Variants in DUSP14 observed in about 807,000 individuals in gnomAD.
DUSP14 encodes the protein dual specificity protein phosphatase 14.
Under a neutral mutation model 13.2 loss-of-function variants are expected in DUSP14, and 5 were observed. The observed-to-expected ratio is 0.38, with a 90% CI of 0.20 to 0.80. DUSP14 has a LOEUF of 0.80. Among genes scored for constraint, DUSP14 ranks in the 30% least tolerant of loss-of-function variants. The probability of loss-of-function intolerance (pLI) is 0.44; values close to 1 mark genes in which losing one functional copy is unlikely to be tolerated. For synonymous variants in DUSP14, 91 were observed against 103.4 expected (o/e 0.88, Z 0.73); for missense variants, 185 against 264.0 (o/e 0.70, Z 2.07).
intron 2 of DUSP14, among the ~76,000 whole-genome samples, chr17:37,511,210 A>T (rs986464697): frequency 6.6e-6 from 1 of 152,080 alleles, no homozygotes; most frequent in Non-Finnish European, 1.5e-5. Flanking sequence ...TGGCCTTCAA[A>T]TTGCCTGGGA....
chr17:37,495,370 C>G (rs1440884943), intron 1 of DUSP14, among the ~76,000 whole-genome samples: 1 of 152,190 alleles, frequency 6.6e-6, no homozygotes, highest in Non-Finnish European at 1.5e-5. Flanking sequence ...CCTCAGTGGA[C>G]GAGAAGGTTC....
At chr17:37,499,160 T>C (rs1381191627) in intron 1 of DUSP14, among the ~76,000 whole-genome samples, 2 of 152,086 alleles carry the variant, frequency 1.3e-5, no homozygotes, top group Admixed American at 6.5e-5. Context: ...CAGACGCTTA[T>C]AAAACCATCA....
At chr17:37,511,286 G>C (rs1163163404) in intron 2 of DUSP14, among the ~76,000 whole-genome samples, 1 of 152,014 alleles carries the variant, frequency 6.6e-6, no homozygotes, top group African/African-American at 2.4e-5. Context: ...TTTTTGGTTT[G>C]GGTTTTTGTT....
At chr17:37,511,860 A>C (rs552585198) in intron 2 of DUSP14, among the ~76,000 whole-genome samples, 3 of 145,828 alleles carry the variant, frequency 2.1e-5, no homozygotes, top group Non-Finnish European at 4.5e-5. Flanking sequence ...GGCTTAAGCA[A>C]TCCTCCCACC....
chr17:37,505,795 G>T (rs2054134084), intron 1 of DUSP14, among the ~76,000 whole-genome samples: 1 of 152,130 alleles, frequency 6.6e-6, no homozygotes, highest in Admixed American at 6.5e-5. Flanking sequence ...CAAGGCTGAT[G>T]CCCGCATCCC....
intron 1 of DUSP14, among the ~76,000 whole-genome samples, chr17:37,497,173 G>A (rs1475312490): frequency 6.6e-6 from 1 of 150,764 alleles, no homozygotes; most frequent in Non-Finnish European, 1.5e-5. Flanking sequence ...TTTAAAGACA[G>A]AGTCTCTTCC....
chr17:37,504,276 C>T (rs2054123409), intron 1 of DUSP14, among the ~76,000 whole-genome samples: 1 of 152,198 alleles, frequency 6.6e-6, no homozygotes, highest in Non-Finnish European at 1.5e-5. Context: ...CTGCGGACAT[C>T]GAGATGGCTG....
At chr17:37,497,291 T>C (rs1197322600) in intron 1 of DUSP14, among the ~76,000 whole-genome samples, 1 of 152,098 alleles carries the variant, frequency 6.6e-6, no homozygotes, top group Non-Finnish European at 1.5e-5. Context: ...TACGGGCACA[T>C]GCCACCATGC....
intron 1 of DUSP14, among the ~76,000 whole-genome samples, chr17:37,507,691 G>A (rs1485625297): frequency 2.0e-5 from 3 of 151,998 alleles, no homozygotes; most frequent in Admixed American, 1.3e-4. Context: ...TGCCCGCCTC[G>A]GCCTCCCAAA....
intron 1 of DUSP14, among the ~76,000 whole-genome samples, chr17:37,496,536 A>T (rs2054066315): frequency 6.6e-6 from 1 of 152,128 alleles, no homozygotes; most frequent in Non-Finnish European, 1.5e-5. Context: ...CGGGTGGATC[A>T]TGAGGTCCGG....
intron 1 of DUSP14, among the ~76,000 whole-genome samples, chr17:37,504,954 C>T (rs908176739): frequency 5.3e-5 from 8 of 152,268 alleles, no homozygotes; most frequent in South Asian, 2.1e-4. Context: ...TGCAATGGCA[C>T]GATCTTGGCT....
chr17:37,499,739 G>C (rs575472858), intron 1 of DUSP14, among the ~76,000 whole-genome samples: 1 of 151,516 alleles, frequency 6.6e-6, no homozygotes, highest in Non-Finnish European at 1.5e-5. Flanking sequence ...CATGTTGGCC[G>C]GGCTGGTCTC....
chr17:37,490,480 ATCTG>A (rs1429945736), intron 1 of DUSP14, among the ~76,000 whole-genome samples: 1 of 152,156 alleles, frequency 6.6e-6, no homozygotes, highest in Non-Finnish European at 1.5e-5. Context: ...CGGTGCTAAC[ATCTG>A]TCTTTTTATT....
rs1055752282 is a variant in DUSP14, at chr17:37,495,376, G to A, written c.-181+5418G>A. Among the ~76,000 whole-genome samples the A allele has an allele frequency of 1.4e-4, 21 of 152,310 alleles. No individual in the cohort carries two copies. The South Asian group carries it at 1.9e-3, about 14-fold the overall frequency. On this transcript the variant is annotated intron_variant, in intron 1 of 2. Coordinates refer to ENST00000617516, the MANE Select transcript of DUSP14 (RefSeq NM_007026.4). Reference sequence around the variant, plus strand: ...ATGTTGAAACCTCAGTGGACGAGAAGGTTCTTTTGAAGTTCATATGCAACT... The same window carrying A: ...ATGTTGAAACCTCAGTGGACGAGAAAGTTCTTTTGAAGTTCATATGCAACT...
chr17:37,495,615 G>A (rs1163522681), intron 1 of DUSP14, among the ~76,000 whole-genome samples: 1 of 152,044 alleles, frequency 6.6e-6, no homozygotes, highest in African/African-American at 2.4e-5. Flanking sequence ...TCCCTGCCTG[G>A]GAAAGTGACC....
chr17:37,509,273 A>AGTGCG (rs1258446610), intron 1 of DUSP14, among the ~76,000 whole-genome samples: 1 of 69,400 alleles, frequency 1.4e-5, no homozygotes. Flanking sequence ...ATATATATAT[A>AGTGCG]TATATATATA....
At position 37,512,957 on chromosome 17, in the gene DUSP14, T is replaced by C; in HGVS notation, c.*88T>C. The C allele has an allele frequency of 8.8e-7, 1 of 1,134,768 alleles. No individual in the cohort carries two copies. Among genetic ancestry groups the C allele is most frequent in the South Asian group, 1.5e-5 (1 of 65,346 alleles). 70.3% of individuals were successfully genotyped at this position (1,134,768 alleles called of 1,614,324 possible). On this transcript the variant is annotated 3_prime_UTR_variant, in exon 3 of 3. Coordinates refer to ENST00000617516, the MANE Select transcript of DUSP14 (RefSeq NM_007026.4). This position sits in a 1 kb window ranked among gnomAD's most constrained non-coding sequence, Gnocchi z 4.8. ...CCTCTCCACTCTCTTCTCAAATGGC[T>C]GACTTCTGGTTCTCCCTCAAGTGTT...
intron 1 of DUSP14, among the ~76,000 whole-genome samples, chr17:37,495,891 CTCG>C (rs1341378336): frequency 6.6e-6 from 1 of 152,078 alleles, no homozygotes; most frequent in Admixed American, 6.6e-5. Flanking sequence ...ATCTCATGAC[CTCG>C]TGATCCACCT....
intron 1 of DUSP14, among the ~76,000 whole-genome samples, chr17:37,495,816 C>A (rs527522406): frequency 6.6e-6 from 1 of 152,020 alleles, no homozygotes; most frequent in Non-Finnish European, 1.5e-5. Flanking sequence ...CATGCCACCA[C>A]GCCCAGCTAA....
Sources: allele counts gnomAD v4.1 joint callset (sites outside exome capture counted in the v4.1 genomes callset), GRCh38; gene constraint gnomAD v4.1.1; non-coding constraint Gnocchi (gnomAD v3.1); transcripts MANE v1.5; gene names NCBI Gene and HGNC (gene_info 2026-07-23, HGNC 2026-07-21).